The following NSG2 variants were observed in gnomAD, a reference collection of about 807,000 sequenced individuals.
The protein encoded by NSG2 is neuronal vesicle trafficking associated 2.
NSG2 carries 4 observed loss-of-function variants against 16.9 expected under a neutral mutation model. The ratio of observed to expected loss-of-function variants is 0.24; its 90% CI spans 0.12 to 0.54. NSG2 has a LOEUF of 0.54. NSG2 is among the 20% of genes least tolerant of loss of function. The pLI, the probability that NSG2 is intolerant of heterozygous loss-of-function variation, is 0.95. For missense variants in NSG2, 179 were observed against 221.1 expected, an observed-to-expected ratio of 0.81 and a Z score of 1.21; for synonymous variants, 98 against 88.7, an observed-to-expected ratio of 1.11 and a Z score of -0.59.
At chr5:174,086,708 C>T (rs1432941132) in intron 3 of NSG2, 1 of 152,230 alleles carries the variant, frequency 6.6e-6, no homozygotes, top group Admixed American at 6.5e-5. Context: ...GAGTTAAGGC[C>T]TCAGCTTCTC....
Position 174,107,357 on chromosome 5 carries a change from C to T in NSG2, c.368C>T (p.Ser123Phe), listed in dbSNP as rs769742560. ...GCCTCCCTGGATGCTTACTACTCCTCCCAGGACCCCAATTCCAGAAGCCGC... is the reference window on the plus strand; with the variant it reads ...GCCTCCCTGGATGCTTACTACTCCTTCCAGGACCCCAATTCCAGAAGCCGC... Reference protein sequence around the residue: ...IPASLDAYYSSQDPNSRSRFY... With the variant: ...IPASLDAYYSFQDPNSRSRFY... The change falls in exon 5 of 5, where the codon TCC (serine) becomes TTC (phenylalanine). Residue 123 changes from serine (S) to phenylalanine (F), a missense_variant. Transcript: ENST00000303177. This position sits in a 1 kb window ranked among gnomAD's most constrained non-coding sequence, Gnocchi z 4.5. The T allele has an allele frequency of 1.3e-6, 2 of 1,598,968 alleles. No individual in the cohort carries two copies. Among genetic ancestry groups the T allele is most frequent in the Non-Finnish European group, 8.6e-7 (1 of 1,168,588 alleles).
At chr5:174,073,312 G>A (rs138014426) in intron 3 of NSG2, among the ~76,000 whole-genome samples, 22 of 152,300 alleles carry the variant, frequency 1.4e-4, no homozygotes, top group Non-Finnish European at 2.9e-4. Flanking sequence ...ATGGAGATAA[G>A]CGATTTTACT....
At chr5:174,089,427 T>C (rs958622487) in intron 3 of NSG2, among the ~76,000 whole-genome samples, 1 of 151,970 alleles carries the variant, frequency 6.6e-6, no homozygotes, top group African/African-American at 2.4e-5. Context: ...TTTTTTTCCA[T>C]GTCTAGTGTC....
intron 3 of NSG2, among the ~76,000 whole-genome samples, chr5:174,090,608 G>T (rs1274693011): frequency 6.6e-6 from 1 of 152,218 alleles, no homozygotes; most frequent in Non-Finnish European, 1.5e-5. Flanking sequence ...CTTTCCAGGG[G>T]TACCAATCTC....
intron 2 of NSG2, among the ~76,000 whole-genome samples, chr5:174,055,105 A>G (rs988253618): frequency 6.6e-6 from 1 of 152,242 alleles, no homozygotes; most frequent in Non-Finnish European, 1.5e-5. Context: ...TACCCCAGGC[A>G]GCAAGGAGAG....
chr5:174,100,983 A>G (rs991972502), intron 3 of NSG2, among the ~76,000 whole-genome samples: 15 of 152,228 alleles, frequency 9.9e-5, no homozygotes, highest in African/African-American at 3.6e-4. Flanking sequence ...TGGGATGGGA[A>G]GCTTTCCAGC....
At position 174,064,657 on chromosome 5, in the gene NSG2, A is replaced by G. The variant is rs762193737; in HGVS notation, c.213+342A>G. Among the ~76,000 whole-genome samples the G allele has an allele frequency of 5.5e-4, 84 of 151,912 alleles. 1 individual carries two copies. The highest frequency in any genetic ancestry group is 5.0e-4 in the Non-Finnish European group (34 of 68,016). On this transcript the variant is annotated intron_variant, in intron 3 of 4. Coordinates refer to ENST00000303177, the MANE Select transcript of NSG2 (RefSeq NM_015980.5). ...GATGGAAATGCAGTAAGTGACTCAC[A>G]TTTTAGTCCTTCGTTGCAACAAATA...
Position 174,072,469 on chromosome 5 carries a change from G to A in NSG2, c.213+8154G>A, listed in dbSNP as rs565486200. Reference sequence around the variant, plus strand: ...CACCAAATGCACATGGCCTGGGCCTGTGCAGTGTTGCTTGCACTGACATGC... The same window carrying A: ...CACCAAATGCACATGGCCTGGGCCTATGCAGTGTTGCTTGCACTGACATGC... On this transcript the variant is annotated intron_variant, in intron 3 of 4. Transcript: ENST00000303177. The surrounding 1 kb of genome is among the most constrained non-coding windows in gnomAD (Gnocchi z 4.0). Among the ~76,000 whole-genome samples, 3 of 152,380 alleles carry A rather than the reference G, an allele frequency of 2.0e-5. No individual in the cohort carries two copies. The highest frequency in any genetic ancestry group is 1.9e-4 in the East Asian group (1 of 5,186).
chr5:174,074,690 C>T (rs1581227290), intron 3 of NSG2, among the ~76,000 whole-genome samples: 1 of 152,200 alleles, frequency 6.6e-6, no homozygotes, highest in East Asian at 1.9e-4. Flanking sequence ...TCCTGTCCCT[C>T]TGCCACTGCC....
chr5:174,064,382 TC>T, intron 3 of NSG2, 67 bp downstream of exon 3: 4 of 1,085,842 alleles, frequency 3.7e-6, no homozygotes, highest in Non-Finnish European at 5.5e-6. Flanking sequence ...TCAGCACACC[TC>T]GTGCTTGGAG....
intron 3 of NSG2, among the ~76,000 whole-genome samples, chr5:174,092,442 G>A (rs887034143): frequency 5.3e-5 from 8 of 152,346 alleles, no homozygotes; most frequent in Admixed American, 2.0e-4. Context: ...GGGCCCTGGG[G>A]AAGGTCAAAC....
rs116775971 is a variant in NSG2 at position 174,060,266 on chromosome 5, G to A, written c.130-3966G>A. Reference sequence around the variant, plus strand: ...TTGGTTAGAATATGGGGTCTTTTAAGTTTACAGAGAATGGAAACGGTTTTC... The same window carrying A: ...TTGGTTAGAATATGGGGTCTTTTAAATTTACAGAGAATGGAAACGGTTTTC... On this transcript the variant is annotated intron_variant, in intron 2 of 4. Coordinates refer to ENST00000303177, the MANE Select transcript of NSG2 (RefSeq NM_015980.5). Among the ~76,000 whole-genome samples, 1,256 of 152,252 alleles carry A rather than the reference G, an allele frequency of 8.2e-3. 12 individuals carry two copies. The highest frequency in any genetic ancestry group is 0.025 in the African/African-American group (1,048 of 41,528).
At chr5:174,091,595 G>A (rs111291144) in intron 3 of NSG2, among the ~76,000 whole-genome samples, 2,902 of 152,146 alleles carry the variant, frequency 0.019, 38 homozygotes, top group Non-Finnish European at 0.027. Context: ...GGGAGGCCGT[G>A]GGAGGCATGC....
intron 3 of NSG2, among the ~76,000 whole-genome samples, chr5:174,086,152 G>A (rs755467476): frequency 2.6e-5 from 4 of 152,272 alleles, no homozygotes; most frequent in Admixed American, 6.5e-5. Context: ...GCCAGCTCCT[G>A]GCTCAGCCCC....
intron 3 of NSG2, among the ~76,000 whole-genome samples, chr5:174,091,039 CTTT>C (rs35022469): frequency 4.8e-5 from 6 of 124,080 alleles, no homozygotes; most frequent in South Asian, 2.8e-4. Context: ...CTTCTTCTTC[CTTT>C]TTTTTTTTTT....
chr5:174,048,763 G>T (rs1759839572), intron 2 of NSG2, among the ~76,000 whole-genome samples: 1 of 152,248 alleles, frequency 6.6e-6, no homozygotes, highest in East Asian at 1.9e-4. Context: ...AGAGGAGGCA[G>T]GTCTGATAAC....
intron 3 of NSG2, among the ~76,000 whole-genome samples, chr5:174,101,585 C>T (rs1002431551): frequency 3.3e-5 from 5 of 152,228 alleles, no homozygotes; most frequent in Admixed American, 1.3e-4. Flanking sequence ...TTTGGCTCAG[C>T]ATCACGTTTG....
intron 3 of NSG2, among the ~76,000 whole-genome samples, chr5:174,066,504 T>C (rs536549372): frequency 1.3e-5 from 2 of 152,224 alleles, no homozygotes; most frequent in Admixed American, 1.3e-4. Flanking sequence ...CACATCCATA[T>C]GATGAACTAC....
intron 2 of NSG2, among the ~76,000 whole-genome samples, chr5:174,060,662 G>A (rs541873535): frequency 2.6e-5 from 4 of 152,268 alleles, no homozygotes; most frequent in East Asian, 1.9e-4. Flanking sequence ...TCATGAGCCC[G>A]AAATCAAGGT....
Sources: gnomAD v4.1 joint callset for allele counts (sites outside exome capture counted in the v4.1 genomes callset) on GRCh38, gnomAD v4.1.1 for gene constraint, Gnocchi (gnomAD v3.1) non-coding constraint, MANE v1.5 for transcripts, NCBI Gene and HGNC (gene_info 2026-07-23, HGNC 2026-07-21) for gene names.